B4GALNT1: variants seen among roughly 807,000 people sequenced by gnomAD.
The protein encoded by B4GALNT1 is beta-1,4 N-acetylgalactosaminyltransferase 1.
Under a neutral mutation model 55.2 loss-of-function variants are expected in B4GALNT1, and 43 were observed. The ratio of observed to expected loss-of-function variants is 0.78; its 90% CI spans 0.61 to 1.00. B4GALNT1 has a LOEUF of 1.00. Among genes scored for constraint, B4GALNT1 ranks in the 50% least tolerant of loss-of-function variants. B4GALNT1 has a pLI of 0.00. For synonymous variants in B4GALNT1, 305 were observed against 311.6 expected (o/e 0.98, Z 0.22); for missense variants, 664 against 729.7 (o/e 0.91, Z 1.04).
rs112599042 is a variant in B4GALNT1, at chr12:57,625,442, C to T, written c.*1302G>A. On this transcript the variant is annotated 3_prime_UTR_variant, in exon 11 of 11. Coordinates refer to ENST00000341156, the MANE Select transcript of B4GALNT1 (RefSeq NM_001478.5). ...GCCGATGTCGAGATGCTAGGATCCG[C>T]CTCCTCCTGGCTCAGTGTAATGGTG... The T allele has an allele frequency of 6.2e-7, 1 of 1,614,214 alleles. No individual in the cohort carries two copies. The highest frequency in any genetic ancestry group is 1.3e-5 in the African/African-American group (1 of 75,052).
At position 57,630,274 on chromosome 12, in the gene B4GALNT1, G is replaced by A. The variant is rs746423518; in HGVS notation, c.590C>T (p.Thr197Ile). 6.2e-7 allele frequency: 1 copy of A among 1,614,230 alleles called. No homozygotes were observed. The highest frequency in any genetic ancestry group is 8.5e-7 in the Non-Finnish European group (1 of 1,180,030). ...ATCTGCCTGACCCTCTCCAGTGAGA[G>A]TAACTCCAGTCACTTCCCCTGCCAC... ...WDVAGEVTGV[T>I]LTGEGQADLT... Residue 197 changes from threonine to isoleucine, a missense_variant, in exon 6 of 11, where the codon ACT (threonine) becomes ATT (isoleucine). By Grantham distance (89) the Thr-to-Ile change is moderately conservative. Transcript: ENST00000341156.
At position 57,630,465 on chromosome 12, in the gene B4GALNT1, T is replaced by C; in HGVS notation, c.531+13A>G. 1 of 1,606,084 alleles carries C rather than the reference T, an allele frequency of 6.2e-7. No homozygotes were observed. The highest frequency in any genetic ancestry group is 8.5e-7 in the Non-Finnish European group (1 of 1,175,842). On this transcript the variant is annotated intron_variant, in intron 5 of 10. Transcript: ENST00000341156. The stretch of plus-strand genomic sequence containing the variant: ...TGCCTACTTGGCCTCCTTGCCTTCT[T>C]GTTTTCTCTCACCTGGTATACCTCC...
intron 1 of B4GALNT1, 126 bp from the exon 2 acceptor site, chr12:57,632,259 C>A (rs1168776862): frequency 3.2e-6 from 3 of 942,438 alleles, no homozygotes; most frequent in Non-Finnish European, 5.0e-6. Flanking sequence ...CTCCACACAT[C>A]GCGCTAGGGT....
intron 6 of B4GALNT1, chr12:57,629,903 C>T: frequency 6.5e-7 from 1 of 1,534,560 alleles, no homozygotes; most frequent in South Asian, 1.2e-5. Flanking sequence ...CTGGGGCCCC[C>T]CACAGTTGGC....
At position 57,624,247 on chromosome 12, in the gene B4GALNT1, C is replaced by G; in HGVS notation, c.*2497G>C. 1 of 744,808 alleles carries G rather than the reference C, an allele frequency of 1.3e-6. No individual in the cohort carries two copies. Among genetic ancestry groups the G allele is most frequent in the Admixed American group, 2.7e-5 (1 of 37,274 alleles). The allele number at this position is 744,808 out of a possible 1,614,324, so 46.1% of individuals were successfully genotyped here. On this transcript the variant is annotated 3_prime_UTR_variant, in exon 11 of 11. Coordinates refer to ENST00000341156, the MANE Select transcript of B4GALNT1 (RefSeq NM_001478.5). ...CATAACTCCTAGTATGCTTTACTCA[C>G]AGGCAAGGGAAAGGATGGGGTTTGA...
In B4GALNT1 at chr12:57,632,060, C is replaced by A. The variant is rs1885253183; in HGVS notation, c.73G>T (p.Ala25Ser). The change falls in exon 2 of 11, where the codon GCG (alanine) becomes TCG (serine). Residue 25 changes from alanine to serine, a missense_variant. Transcript: ENST00000341156. ...AGGCCGGGCGCGTCCCGGGTGCTCG[C>A]GTACAGGAGCCCCAGCGAGGCGCAG... ...LACASLGLLY[A>S]STRDAPGLRL... is the part of the protein sequence containing the mutation. 6.9e-7 allele frequency: 1 copy of A among 1,442,262 alleles called. No homozygotes were observed. Among genetic ancestry groups the A allele is most frequent in the Non-Finnish European group, 9.1e-7 (1 of 1,095,946 alleles). 89.3% of individuals were successfully genotyped at this position (1,442,262 alleles called of 1,614,324 possible).
chr12:57,625,105 GCC>G lies in B4GALNT1; in HGVS notation c.*1637_*1638del, dbSNP rs1390707125. On this transcript the variant is annotated 3_prime_UTR_variant, in exon 11 of 11. Transcript: ENST00000341156. ...ATGCTGTGTTTCGGGAGTGGTGACT[GCC>G]CTTCTTTACTTATAGGAGACTTCAA... 14 of 1,613,978 alleles carry G rather than the reference GCC, an allele frequency of 8.7e-6. No individual in the cohort carries two copies. Among genetic ancestry groups the G allele is most frequent in the Non-Finnish European group, 1.2e-5 (14 of 1,179,996 alleles).
At chr12:57,632,362 A>G in intron 1 of B4GALNT1, 1 of 676,984 alleles carries the variant, frequency 1.5e-6, no homozygotes, top group Non-Finnish European at 2.7e-6. Context: ...CCTCTCCTGC[A>G]TCTCGGTTTC....
In B4GALNT1 at chr12:57,632,123, C is replaced by G. The variant is rs775048656; in HGVS notation, c.10G>C (p.Gly4Arg). 6 of 1,513,978 alleles carry G rather than the reference C, an allele frequency of 4.0e-6. No individual in the cohort carries two copies. In the South Asian group the frequency reaches 7.6e-5, roughly 19 times the overall value. 93.8% of individuals were successfully genotyped at this position (1,513,978 alleles called of 1,614,324 possible). A position where few individuals can be genotyped will look rare whatever the true frequency, so the allele number is the denominator to read the frequency against. The change falls in exon 2 of 11, where the codon GGC becomes CGC. Residue 4 changes from glycine (G) to arginine (R), a missense_variant. Transcript: ENST00000341156. ...ACCAGAGCGCACAGGGCCCGGCGGC[C>G]CAGCCACATCCTAGGTGGGGGTAGG... MWLGRRALCALVLL... is the reference protein window; with the variant it reads MWLRRRALCALVLL...
chr12:57,630,570 T>G (rs748797382), intron 4 of B4GALNT1, 52 bp from the exon 5 acceptor site: 6 of 1,537,068 alleles, frequency 3.9e-6, no homozygotes, highest in Non-Finnish European at 5.3e-6. Context: ...CCTGAATTCT[T>G]TCTCATTTTC....
chr12:57,627,126 T>C (rs1025284493), intron 10 of B4GALNT1, among the ~76,000 whole-genome samples, 165 bp from the exon 11 acceptor site: 4 of 152,164 alleles, frequency 2.6e-5, no homozygotes, highest in African/African-American at 9.7e-5. Context: ...CTTACTCTTG[T>C]GTAAATGGAG....
In B4GALNT1 at chr12:57,626,137, G is replaced by A. The variant is rs1216950685; in HGVS notation, c.*607C>T. 1 of 176,798 alleles carries A rather than the reference G, an allele frequency of 5.7e-6. No individual in the cohort carries two copies. Among genetic ancestry groups the A allele is most frequent in the Non-Finnish European group, 1.2e-5 (1 of 83,324 alleles). The allele number at this position is 176,798 out of a possible 1,614,324, so 11.0% of individuals were successfully genotyped here. A position where few individuals can be genotyped will look rare whatever the true frequency, so the allele number is the denominator to read the frequency against. ...AACGTAACTAATAAAATGAAGCTGAGAGCTTTGGAATCCATGAAGTGAGTC... is the reference window on the plus strand; with the variant it reads ...AACGTAACTAATAAAATGAAGCTGAAAGCTTTGGAATCCATGAAGTGAGTC... On this transcript the variant is annotated 3_prime_UTR_variant, in exon 11 of 11. Coordinates refer to ENST00000341156, the MANE Select transcript of B4GALNT1 (RefSeq NM_001478.5).
Position 57,630,225 on chromosome 12 carries a change from C to G in B4GALNT1, c.639G>C (p.Leu213=). 6.2e-7 allele frequency: 1 copy of G among 1,614,250 alleles called. No homozygotes were observed. ...QADLTLVSPG[L]DQLNRQLQLV... ...GTTGTAGTTGCCTGTTGAGTTGGTC[C>G]AGCCCTGGGCTGACAAGGGTGAGAT... The change falls in exon 6 of 11, where the codon CTG becomes CTC. Residue 213 remains leucine (L), a synonymous_variant. Coordinates refer to ENST00000341156, the MANE Select transcript of B4GALNT1 (RefSeq NM_001478.5).
Position 57,623,901 on chromosome 12 carries a change from C to A in B4GALNT1, c.*2843G>T, listed in dbSNP as rs543934504. Reference sequence around the variant, plus strand: ...TGCTGTGGCTGGGGCCCTTCTTTTACTATCTGCCCAAGGTAATGAGCAGAG... The same window carrying A: ...TGCTGTGGCTGGGGCCCTTCTTTTAATATCTGCCCAAGGTAATGAGCAGAG... On this transcript the variant is annotated 3_prime_UTR_variant, in exon 11 of 11. Transcript: ENST00000341156. The A allele has an allele frequency of 4.3e-6, 7 of 1,613,966 alleles. No individual in the cohort carries two copies. The highest frequency in any genetic ancestry group is 5.9e-6 in the Non-Finnish European group (7 of 1,179,996).
rs1033052529 is a variant in B4GALNT1, at chr12:57,626,024, C to T, written c.*720G>A. Reference sequence around the variant, plus strand: ...AGCTCACTGACCCAAAGATTTGCACCGTGTGGGTCTGACCTCATCATGTGG... The same window carrying T: ...AGCTCACTGACCCAAAGATTTGCACTGTGTGGGTCTGACCTCATCATGTGG... On this transcript the variant is annotated 3_prime_UTR_variant, in exon 11 of 11. Coordinates refer to ENST00000341156, the MANE Select transcript of B4GALNT1 (RefSeq NM_001478.5). 33 of 327,426 alleles carry T rather than the reference C, an allele frequency of 1.0e-4. No individual in the cohort carries two copies. The highest frequency in any genetic ancestry group is 3.1e-4 in the East Asian group (6 of 19,058). 20.3% of individuals were successfully genotyped at this position (327,426 alleles called of 1,614,324 possible).
chr12:57,630,526 A>G lies in B4GALNT1; in HGVS notation c.491-8T>C. 1 of 1,604,310 alleles carries G rather than the reference A, an allele frequency of 6.2e-7. No individual in the cohort carries two copies. Among genetic ancestry groups the G allele is most frequent in the Non-Finnish European group, 8.5e-7 (1 of 1,175,854 alleles). On this transcript the variant is annotated splice_polypyrimidine_tract_variant and splice_region_variant and intron_variant, in intron 4 of 10. Coordinates refer to ENST00000341156, the MANE Select transcript of B4GALNT1 (RefSeq NM_001478.5). ...CTGCCTGAAGGCTCAGCCCTAGGAG[A>G]AAGGAGTGGGGGGATCAGAATCACA...
At chr12:57,630,902 C>T (rs1885158719) in intron 4 of B4GALNT1, 78 bp downstream of exon 4, 4 of 1,362,760 alleles carry the variant, frequency 2.9e-6, no homozygotes, top group Non-Finnish European at 4.1e-6. Flanking sequence ...CCAATCATCT[C>T]CCATTCTTCC....
chr12:57,628,230 A>G lies in B4GALNT1; in HGVS notation c.1035T>C (p.Ser345=), dbSNP rs1300815734. ...ACAGCACGTACTTGGTGGTTACTTGAGACACGGCCAGGTTCCGGCCTGCGA... is the reference window on the plus strand; with the variant it reads ...ACAGCACGTACTTGGTGGTTACTTGGGACACGGCCAGGTTCCGGCCTGCGA... The part of the protein sequence containing the change: ...GWFAGRNLAV[S]QVTTKYVLWV... The change falls in exon 9 of 11, where the codon TCT becomes TCC. Residue 345 remains serine (S), a synonymous_variant. Transcript: ENST00000341156. The G allele has an allele frequency of 5.0e-6, 8 of 1,614,248 alleles. No homozygotes were observed. Among genetic ancestry groups the G allele is most frequent in the Admixed American group, 1.7e-5 (1 of 60,036 alleles).
chr12:57,623,479 C>T lies in B4GALNT1; in HGVS notation c.*3265G>A, dbSNP rs1884592842. On this transcript the variant is annotated 3_prime_UTR_variant, in exon 11 of 11. Coordinates refer to ENST00000341156, the MANE Select transcript of B4GALNT1 (RefSeq NM_001478.5). ...GTCTTTTAAAAGGAATATCACATAT[C>T]AAAGTCTCCCCCTAATATTTTTGGT... 2 of 437,074 alleles carry T rather than the reference C, an allele frequency of 4.6e-6. No homozygotes were observed. Among genetic ancestry groups the T allele is most frequent in the South Asian group, 6.7e-5 (2 of 29,878 alleles). 27.1% of individuals were successfully genotyped at this position (437,074 alleles called of 1,614,324 possible). A position where few individuals can be genotyped will look rare whatever the true frequency, so the allele number is the denominator to read the frequency against.
Sources: gnomAD v4.1 joint callset for allele counts (sites outside exome capture counted in the v4.1 genomes callset) on GRCh38, gnomAD v4.1.1 for gene constraint, MANE v1.5 for transcripts, NCBI Gene and HGNC (gene_info 2026-07-23, HGNC 2026-07-21) for gene names.